Variants in RBKS observed in about 807,000 individuals in gnomAD.
RBKS encodes ribokinase.
Under a neutral mutation model 33.9 loss-of-function variants are expected in RBKS, and 33 were observed. The observed-to-expected ratio is 0.97, with a 90% CI of 0.74 to 1.30. The LOEUF (loss-of-function observed/expected upper bound fraction) is 1.30. RBKS is among the 50% of genes most tolerant of loss of function. RBKS has a pLI of 0.00. For synonymous variants in RBKS, 125 were observed against 143.0 expected (o/e 0.87, Z 0.90); for missense variants, 361 against 392.6 (o/e 0.92, Z 0.68).
chr2:27,872,814 A>T (rs1333294660), intron 1 of RBKS, among the ~76,000 whole-genome samples: 2 of 152,236 alleles, frequency 1.3e-5, no homozygotes, highest in African/African-American at 4.8e-5. Context: ...ATGAATGTAT[A>T]TGAAACACCA....
intron 7 of RBKS, among the ~76,000 whole-genome samples, chr2:27,788,249 G>GA (rs552619579): frequency 6.6e-6 from 1 of 151,314 alleles, no homozygotes; most frequent in Admixed American, 6.6e-5. Flanking sequence ...AAGGACAGGG[G>GA]AAAAAAAAGA....
At chr2:27,809,832 T>G in intron 7 of RBKS, 1 of 815,640 alleles carries the variant, frequency 1.2e-6, no homozygotes. Context: ...TTTCATAATA[T>G]TAGCACCAAC....
chr2:27,801,980 ATATATATATATATTTTTT>A (rs1354165247), intron 7 of RBKS, among the ~76,000 whole-genome samples: 1 of 94,120 alleles, frequency 1.1e-5, no homozygotes, highest in African/African-American at 4.6e-5. Context: ...ATATATATAT[ATATATATATATATTTTTT>A]TTTTTTTTTT....
chr2:27,844,497 A>G (rs573259128), intron 4 of RBKS, among the ~76,000 whole-genome samples: 31 of 151,502 alleles, frequency 2.0e-4, no homozygotes, highest in Non-Finnish European at 4.4e-4. Flanking sequence ...GGTTCAATCA[A>G]CTCTCCCACC....
At chr2:27,877,053 A>T (rs886249179) in intron 1 of RBKS, among the ~76,000 whole-genome samples, 1 of 152,166 alleles carries the variant, frequency 6.6e-6, no homozygotes, top group African/African-American at 2.4e-5. Flanking sequence ...AAAGGTAAAA[A>T]CTTTAATCCT....
rs1677973260 is a variant in RBKS, at chr2:27,810,676, C to T, written c.795+16891G>A. Among the ~76,000 whole-genome samples the T allele has an allele frequency of 6.6e-6, 1 of 152,022 alleles. No homozygotes were observed. Among genetic ancestry groups the T allele is most frequent in the South Asian group, 2.1e-4 (1 of 4,812 alleles). On this transcript the variant is annotated intron_variant, in intron 7 of 7. Transcript: ENST00000302188. This position sits in a 1 kb window ranked among gnomAD's most constrained non-coding sequence, Gnocchi z 4.4. ...ACCATCTTAGTTATCGCCCCACTGC[C>T]CCCACTTTTTTTAAGGAAATGAACT...
At chr2:27,787,368 GC>G (rs1450187294) in intron 7 of RBKS, among the ~76,000 whole-genome samples, 2 of 152,148 alleles carry the variant, frequency 1.3e-5, no homozygotes, top group African/African-American at 4.8e-5. Flanking sequence ...GGGATGTCAA[GC>G]CCGCAGTGAG....
intron 1 of RBKS, chr2:27,871,005 A>G (rs1352039836): frequency 7.3e-6 from 3 of 409,684 alleles, no homozygotes; most frequent in Admixed American, 2.5e-5. Flanking sequence ...TTGTGCCTCA[A>G]TGTCCTCTGC....
At chr2:27,882,423 A>T (rs190777646) in intron 1 of RBKS, among the ~76,000 whole-genome samples, 1 of 152,348 alleles carries the variant, frequency 6.6e-6, no homozygotes, top group African/African-American at 2.4e-5. Context: ...ACAGTCAAAA[A>T]TTAACAGATG....
intron 5 of RBKS, among the ~76,000 whole-genome samples, chr2:27,841,752 A>ACG (rs1663517319): frequency 6.6e-6 from 1 of 151,848 alleles, no homozygotes; most frequent in Non-Finnish European, 1.5e-5. Context: ...ACACACACAC[A>ACG]CACACACACT....
chr2:27,865,561 TCTC>T (rs1217553176), intron 1 of RBKS, among the ~76,000 whole-genome samples: 48 of 146,790 alleles, frequency 3.3e-4, no homozygotes, highest in Non-Finnish European at 4.6e-4. Context: ...TACCTTCCCT[TCTC>T]CTCCTCCTTT....
chr2:27,817,260 TG>T, intron 7 of RBKS, among the ~76,000 whole-genome samples: 1 of 152,228 alleles, frequency 6.6e-6, no homozygotes, highest in Non-Finnish European at 1.5e-5. Context: ...GGTTTGTGAA[TG>T]TTAAAAAAGA....
intron 7 of RBKS, among the ~76,000 whole-genome samples, chr2:27,821,006 C>A (rs1420940812): frequency 7.1e-6 from 1 of 141,738 alleles, no homozygotes; most frequent in African/African-American, 2.7e-5. Flanking sequence ...CGCCACTGCA[C>A]TCCAGCCTAG....
chr2:27,808,535 G>A (rs1200598383), intron 7 of RBKS, among the ~76,000 whole-genome samples: 1 of 152,196 alleles, frequency 6.6e-6, no homozygotes, highest in Non-Finnish European at 1.5e-5. Context: ...CTCACAGGTT[G>A]GTGCCATGGA....
At chr2:27,823,931 G>T (rs1285291091) in intron 7 of RBKS, among the ~76,000 whole-genome samples, 3 of 152,054 alleles carry the variant, frequency 2.0e-5, no homozygotes, top group African/African-American at 7.2e-5. Flanking sequence ...CTTTAAAGGG[G>T]TATGCTTTAG....
At chr2:27,868,958 A>G (rs959573637) in intron 1 of RBKS, among the ~76,000 whole-genome samples, 16 of 152,222 alleles carry the variant, frequency 1.1e-4, no homozygotes, top group African/African-American at 3.4e-4. Flanking sequence ...TAAACACTTT[A>G]TAACTATCAA....
chr2:27,843,934 C>T (rs769690851), intron 4 of RBKS, among the ~76,000 whole-genome samples: 19 of 152,082 alleles, frequency 1.2e-4, no homozygotes, highest in Middle Eastern at 3.2e-3. Flanking sequence ...GTCATGAGCA[C>T]GAGCCACACA....
chr2:27,856,662 C>G (rs776299671), intron 2 of RBKS, among the ~76,000 whole-genome samples: 16 of 152,132 alleles, frequency 1.1e-4, no homozygotes, highest in Non-Finnish European at 2.1e-4. Flanking sequence ...GTTCTCTAAT[C>G]TCTCCTTTAA....
In RBKS at chr2:27,845,527, G is replaced by GAACAACAAC. The variant is rs5830051; in HGVS notation, c.349+1506_349+1514dup. The stretch of plus-strand genomic sequence containing the variant: ...GAAAGAGAACTTGAGGATAGTCCTA[G>GAACAACAAC]AACAACAACAACAACAACAACAACA... On this transcript the variant is annotated intron_variant, in intron 4 of 7. Transcript: ENST00000302188. Among the ~76,000 whole-genome samples the GAACAACAAC allele has an allele frequency of 4.6e-3, 701 of 151,232 alleles. 4 individuals carry two copies. The highest frequency in any genetic ancestry group is 0.016 in the African/African-American group (659 of 41,178).
Sources: gnomAD v4.1 joint callset for allele counts (sites outside exome capture counted in the v4.1 genomes callset) on GRCh38, gnomAD v4.1.1 for gene constraint, Gnocchi (gnomAD v3.1) non-coding constraint, MANE v1.5 for transcripts, NCBI Gene and HGNC (gene_info 2026-07-23, HGNC 2026-07-21) for gene names.